Variants in TTC21B observed in about 807,000 individuals in gnomAD.
TTC21B encodes tetratricopeptide repeat domain 21B.
Under a neutral mutation model 175.1 loss-of-function variants are expected in TTC21B, and 127 were observed. The ratio of observed to expected loss-of-function variants is 0.73; its 90% CI spans 0.63 to 0.84. TTC21B has a LOEUF of 0.84. Among genes scored for constraint, TTC21B ranks in the 40% least tolerant of loss-of-function variants. The pLI is 0.00. For synonymous variants in TTC21B, 524 were observed against 524.5 expected, an observed-to-expected ratio of 1.00 and a Z score of 0.01; for missense variants, 1,561 against 1,558.3, an observed-to-expected ratio of 1.00 and a Z score of -0.03.
chr2:165,925,288 T>G (rs1204247105), intron 11 of TTC21B, among the ~76,000 whole-genome samples: 1 of 152,204 alleles, frequency 6.6e-6, no homozygotes, highest in African/African-American at 2.4e-5. Context: ...GTATGATAAT[T>G]AAAGTGATAC....
In TTC21B at chr2:165,899,762, G is replaced by A; in HGVS notation, c.2868+8C>T. 2 of 1,585,136 alleles carry A rather than the reference G, an allele frequency of 1.3e-6. No homozygotes were observed. Among genetic ancestry groups the A allele is most frequent in the Non-Finnish European group, 1.7e-6 (2 of 1,153,636 alleles). ...TGCTTTTATTGTACTGAAGTTCCTT[G>A]GACTGACCATGGTAGCAGCTTCGTT... On this transcript the variant is annotated splice_region_variant and intron_variant, in intron 21 of 28. Coordinates refer to ENST00000243344, the MANE Select transcript of TTC21B (RefSeq NM_024753.5).
At chr2:165,896,020 A>T (rs1685350211) in intron 22 of TTC21B, among the ~76,000 whole-genome samples, 1 of 152,168 alleles carries the variant, frequency 6.6e-6, no homozygotes, top group Admixed American at 6.6e-5. Context: ...TCTAAATTCA[A>T]ACATCTTTTT....
chr2:165,949,438 G>A lies in TTC21B; in HGVS notation c.218C>T (p.Ser73Phe), dbSNP rs757048165. 4 of 1,613,704 alleles carry A rather than the reference G, an allele frequency of 2.5e-6. No homozygotes were observed. Among genetic ancestry groups the A allele is most frequent in the South Asian group, 1.1e-5 (1 of 91,058 alleles). The change falls in exon 3 of 29, where the codon TCT (serine) becomes TTT (phenylalanine). Residue 73 changes from serine to phenylalanine, a missense_variant. By Grantham distance (155) the Ser-to-Phe change is radical. Coordinates refer to ENST00000243344, the MANE Select transcript of TTC21B (RefSeq NM_024753.5). Reference protein sequence around the residue: ...IKNKQDVSLCSLLALIYAHKM... With the variant: ...IKNKQDVSLCFLLALIYAHKM... ...ATGGGCATATATCAGTGCAAGTAGA[G>A]AACAAAGTGATACATCTTGTTTATT...
chr2:165,929,529 T>C, intron 10 of TTC21B, 121 bp downstream of exon 10: 1 of 880,556 alleles, frequency 1.1e-6, no homozygotes, highest in South Asian at 1.5e-5. Flanking sequence ...TAAATGCAAT[T>C]ACATATTAAA....
At chr2:165,930,757 GTGTGTGTGTATAA>G (rs1452919972) in intron 8 of TTC21B, among the ~76,000 whole-genome samples, 2 of 150,994 alleles carry the variant, frequency 1.3e-5, no homozygotes, top group African/African-American at 4.9e-5. Context: ...GTGTGTGTGT[GTGTGTGTGTATAA>G]TATATGTATG....
intron 23 of TTC21B, 25 bp from the exon 24 acceptor site, chr2:165,890,665 T>C (rs746502869): frequency 2.5e-6 from 4 of 1,607,932 alleles, no homozygotes; most frequent in Non-Finnish European, 2.6e-6. Flanking sequence ...AAAAGAATTA[T>C]TTATTTCAAT....
At chr2:165,889,629 A>G (rs998511317) in intron 24 of TTC21B, among the ~76,000 whole-genome samples, 4 of 151,780 alleles carry the variant, frequency 2.6e-5, no homozygotes, top group African/African-American at 9.7e-5. Context: ...CCCTGCTCTA[A>G]CTGGTCTCGG....
intron 20 of TTC21B, 148 bp downstream of exon 20, chr2:165,901,574 T>C: frequency 1.4e-6 from 1 of 727,170 alleles, no homozygotes; most frequent in Non-Finnish European, 2.4e-6. Flanking sequence ...CCACATGCCT[T>C]GGCCTCCCAA....
chr2:165,915,116 A>G (rs1686114846), intron 15 of TTC21B, 85 bp downstream of exon 15: 2 of 1,044,424 alleles, frequency 1.9e-6, no homozygotes, highest in Admixed American at 1.7e-5. Context: ...TTTGTGAAGC[A>G]GTTGAAAGAA....
At position 165,933,073 on chromosome 2, in the gene TTC21B, T is replaced by C; in HGVS notation, c.711-16A>G. 6.2e-7 allele frequency: 1 copy of C among 1,607,402 alleles called. No individual in the cohort carries two copies. Among genetic ancestry groups the C allele is most frequent in the South Asian group, 1.1e-5 (1 of 90,336 alleles). On this transcript the variant is annotated splice_polypyrimidine_tract_variant and intron_variant, in intron 6 of 28. Coordinates refer to ENST00000243344, the MANE Select transcript of TTC21B (RefSeq NM_024753.5). The stretch of plus-strand genomic sequence containing the variant: ...GAGCAGCAACCTGCAGGAAAACAAT[T>C]TAGTTAATGTCAAAATAAATTTATA...
intron 6 of TTC21B, among the ~76,000 whole-genome samples, chr2:165,939,913 T>C (rs548588588): frequency 1.3e-5 from 2 of 152,298 alleles, no homozygotes; most frequent in South Asian, 2.1e-4. Flanking sequence ...TGTGTGGCTC[T>C]GGAGAAACTT....
chr2:165,949,717 A>ATT lies in TTC21B; in HGVS notation c.28_29insAA (p.Ile10LysfsTer40). ...ATATCTCTCTTGACAATAGTAATTA[A>ATT]TCAAAGTCTAAATGGAAATAATGAA... is the stretch of plus-strand genomic sequence containing the variant. On this transcript the variant is annotated frameshift_variant, in exon 2 of 29. Coordinates refer to ENST00000243344, the MANE Select transcript of TTC21B (RefSeq NM_024753.5). LOFTEE classifies it high-confidence loss of function. 1 of 1,610,960 alleles carries ATT rather than the reference A, an allele frequency of 6.2e-7. No individual in the cohort carries two copies. The highest frequency in any genetic ancestry group is 8.5e-7 in the Non-Finnish European group (1 of 1,177,762).
intron 28 of TTC21B, 70 bp from the exon 29 acceptor site, chr2:165,874,902 A>T (rs907313441): frequency 7.4e-7 from 1 of 1,342,452 alleles, no homozygotes; most frequent in African/African-American, 1.4e-5. Context: ...TACAAAACTT[A>T]TAAGAAATGA....
intron 12 of TTC21B, among the ~76,000 whole-genome samples, chr2:165,920,800 A>ATT (rs1470863737): frequency 0.023 from 1,400 of 61,420 alleles, no homozygotes; most frequent in East Asian, 0.029. Context: ...TTTGAAGGAT[A>ATT]CTAAATATTT....
Position 165,888,366 on chromosome 2 carries a change from T to C in TTC21B, c.3372A>G (p.Ile1124Met). The change falls in exon 25 of 29, where the codon ATA (isoleucine) becomes ATG (methionine). Residue 1124 changes from isoleucine to methionine, a missense_variant. Coordinates refer to ENST00000243344, the MANE Select transcript of TTC21B (RefSeq NM_024753.5). Reference sequence around the variant, plus strand: ...TAGCCATTAAGCAATAGTTTTCCATTATGCGAAGCTGTACGTGACCCTGAA... The same window carrying C: ...TAGCCATTAAGCAATAGTTTTCCATCATGCGAAGCTGTACGTGACCCTGAA... ...QTVQGHVQLR[I>M]MENYCLMATK... 2 of 1,613,922 alleles carry C rather than the reference T, an allele frequency of 1.2e-6. No homozygotes were observed. The highest frequency in any genetic ancestry group is 1.7e-6 in the Non-Finnish European group (2 of 1,179,866).
chr2:165,940,516 C>T (rs368477846), intron 6 of TTC21B, among the ~76,000 whole-genome samples: 106 of 152,270 alleles, frequency 7.0e-4, no homozygotes, highest in African/African-American at 2.4e-3. Context: ...CATGTGCTCC[C>T]ACCTCGGGGA....
intron 20 of TTC21B, 138 bp from the exon 21 acceptor site, chr2:165,900,018 A>AC (rs1305172419): frequency 3.0e-6 from 2 of 669,136 alleles, no homozygotes; most frequent in East Asian, 2.7e-5. Flanking sequence ...CAAAAAAAAA[A>AC]AAAAAACAAC....
At chr2:165,892,795 T>A (rs1404095900) in intron 22 of TTC21B, among the ~76,000 whole-genome samples, 2 of 152,206 alleles carry the variant, frequency 1.3e-5, no homozygotes, top group Admixed American at 6.5e-5. Context: ...ATAACGGTGA[T>A]GACTTACACA....
At position 165,929,244 on chromosome 2, in the gene TTC21B, T is replaced by C. The variant is rs981361200; in HGVS notation, c.1277A>G (p.His426Arg). The change falls in exon 11 of 29, where the codon CAC becomes CGC. Residue 426 changes from histidine (H) to arginine (R), a missense_variant. By Grantham distance (29) the His-to-Arg change is conservative. Coordinates refer to ENST00000243344, the MANE Select transcript of TTC21B (RefSeq NM_024753.5). ...INLLNDVLDT[H>R]FSQLEGLPLG... ...AGGCAAACCTTCTAATTGTGAAAAG[T>C]GAGTGTCCAGGACATCATTTAACAA... 12 of 1,612,876 alleles carry C rather than the reference T, an allele frequency of 7.4e-6. No homozygotes were observed. The highest frequency in any genetic ancestry group is 8.5e-6 in the Non-Finnish European group (10 of 1,179,330).
Sources: gnomAD v4.1 joint callset for allele counts (sites outside exome capture counted in the v4.1 genomes callset) on GRCh38, gnomAD v4.1.1 for gene constraint, MANE v1.5 for transcripts, NCBI Gene and HGNC (gene_info 2026-07-23, HGNC 2026-07-21) for gene names.